Variants in PLEKHA7 observed in about 807,000 individuals in gnomAD.
PLEKHA7 encodes pleckstrin homology domain containing A7.
PLEKHA7 carries 104 observed loss-of-function variants against 170.0 expected under a neutral mutation model. That is an observed-to-expected ratio of 0.61 (90% CI 0.52 to 0.72). PLEKHA7 has a LOEUF of 0.72. Among genes scored for constraint, PLEKHA7 ranks in the 30% least tolerant of loss-of-function variants. The pLI, the probability that PLEKHA7 is intolerant of heterozygous loss-of-function variation, is 0.00. For missense variants in PLEKHA7, 1,615 were observed against 1,671.7 expected (o/e 0.97, Z 0.59); for synonymous variants, 648 against 660.8 (o/e 0.98, Z 0.30).
At chr11:16,969,941 A>G (rs1257503272) in intron 3 of PLEKHA7, among the ~76,000 whole-genome samples, 3 of 152,216 alleles carry the variant, frequency 2.0e-5, no homozygotes, top group African/African-American at 7.2e-5. Flanking sequence ...GATTACAGCT[A>G]AAGGGGAATA....
intron 17 of PLEKHA7, among the ~76,000 whole-genome samples, chr11:16,799,616 A>G (rs1848455490): frequency 6.6e-6 from 1 of 152,252 alleles, no homozygotes; most frequent in Non-Finnish European, 1.5e-5. Flanking sequence ...GTCCAAGAAA[A>G]TAGGTATAAC....
intron 3 of PLEKHA7, among the ~76,000 whole-genome samples, chr11:16,919,171 G>C (rs146230921): frequency 2.0e-5 from 3 of 152,124 alleles, no homozygotes; most frequent in Non-Finnish European, 2.9e-5. Context: ...CTGAGATCAC[G>C]CCATTGCACT....
chr11:16,915,714 A>G (rs1377459705), intron 3 of PLEKHA7, among the ~76,000 whole-genome samples: 1 of 151,840 alleles, frequency 6.6e-6, no homozygotes, highest in African/African-American at 2.4e-5. Flanking sequence ...ATGGCTGCAT[A>G]ATATTCCATG....
At chr11:16,968,907 C>G (rs976208601) in intron 3 of PLEKHA7, among the ~76,000 whole-genome samples, 1 of 152,212 alleles carries the variant, frequency 6.6e-6, no homozygotes, top group Non-Finnish European at 1.5e-5. Flanking sequence ...CCCCCATACC[C>G]ACCTATGCCA....
intron 3 of PLEKHA7, among the ~76,000 whole-genome samples, chr11:16,898,347 T>C (rs1366997331): frequency 6.6e-6 from 1 of 152,212 alleles, no homozygotes; most frequent in East Asian, 1.9e-4. Flanking sequence ...CTGGTATATT[T>C]TCATAAAGTA....
At chr11:16,832,349 G>A (rs1216266685) in intron 9 of PLEKHA7, among the ~76,000 whole-genome samples, 1 of 152,084 alleles carries the variant, frequency 6.6e-6, no homozygotes, top group African/African-American at 2.4e-5. Context: ...CTGGGGTTGG[G>A]CCCCAGCATT....
chr11:16,975,523 T>C (rs975954199), intron 3 of PLEKHA7, among the ~76,000 whole-genome samples: 6 of 152,154 alleles, frequency 3.9e-5, no homozygotes, highest in Non-Finnish European at 5.9e-5. Context: ...AGAGAACCCA[T>C]GGATATGGAG....
In PLEKHA7 at chr11:17,001,528, G is replaced by A. The variant is rs146812276; in HGVS notation, c.221+12461C>T. On this transcript the variant is annotated intron_variant, in intron 3 of 26. Coordinates refer to ENST00000531066, the MANE Select transcript of PLEKHA7 (RefSeq NM_001329630.2). ...AAGCTCATCTCCCGCCTCACCCAGC[G>A]GGAGAGAACACAGGAAGCTGTGCAG... Among the ~76,000 whole-genome samples the A allele has an allele frequency of 4.4e-4, 67 of 152,168 alleles. 1 individual carries two copies. The highest frequency in any genetic ancestry group is 1.5e-3 in the African/African-American group (64 of 41,522).
At chr11:16,816,407 G>C in intron 11 of PLEKHA7, 143 bp from the exon 12 acceptor site, 1 of 663,078 alleles carries the variant, frequency 1.5e-6, no homozygotes. Context: ...CTCAGGGTTA[G>C]AACACTAAAC....
intron 3 of PLEKHA7, among the ~76,000 whole-genome samples, chr11:16,978,685 A>G (rs1863219996): frequency 1.3e-5 from 2 of 152,354 alleles, no homozygotes; most frequent in South Asian, 2.1e-4. Flanking sequence ...GCAAGTTGCA[A>G]TGAACATCCC....
intron 3 of PLEKHA7, among the ~76,000 whole-genome samples, chr11:16,935,677 C>T (rs921145828): frequency 1.3e-5 from 2 of 152,210 alleles, no homozygotes; most frequent in African/African-American, 4.8e-5. Flanking sequence ...TTGCAAACAC[C>T]ACCCTAAGTG....
chr11:16,843,473 A>G (rs1256270507), intron 8 of PLEKHA7, among the ~76,000 whole-genome samples: 1 of 152,260 alleles, frequency 6.6e-6, no homozygotes, highest in Non-Finnish European at 1.5e-5. Flanking sequence ...ACATTTACAT[A>G]TCTGAGTCCA....
At chr11:16,965,377 T>A (rs1184826627) in intron 3 of PLEKHA7, among the ~76,000 whole-genome samples, 1 of 152,184 alleles carries the variant, frequency 6.6e-6, no homozygotes, top group Non-Finnish European at 1.5e-5. Context: ...TCCTTTGTTG[T>A]AGTTTTTTCC....
intron 3 of PLEKHA7, among the ~76,000 whole-genome samples, chr11:16,935,387 A>C (rs1197188508): frequency 6.6e-6 from 1 of 152,160 alleles, no homozygotes; most frequent in Non-Finnish European, 1.5e-5. Context: ...GTGCCATTGC[A>C]CTCCAGCCTG....
intron 3 of PLEKHA7, among the ~76,000 whole-genome samples, chr11:16,939,490 AT>A (rs1389275824): frequency 6.6e-6 from 1 of 152,232 alleles, no homozygotes. Context: ...ATGAAGATTA[AT>A]TAAAATAATA....
At chr11:16,844,933 T>C (rs1453721337) in intron 8 of PLEKHA7, among the ~76,000 whole-genome samples, 6 of 152,152 alleles carry the variant, frequency 3.9e-5, no homozygotes, top group African/African-American at 1.2e-4. Flanking sequence ...CCTACCAAAG[T>C]TGGAGGGACA....
At position 16,782,791 on chromosome 11, in the gene PLEKHA7, C is replaced by T. The variant is rs1171554620; in HGVS notation, c.3756G>A (p.Leu1252=). The T allele has an allele frequency of 6.5e-7, 1 of 1,536,066 alleles. No homozygotes were observed. The highest frequency in any genetic ancestry group is 1.4e-5 in the African/African-American group (1 of 73,064). Residue 1252 remains leucine, a synonymous_variant, in exon 26 of 27, where the codon CTG becomes CTA. Coordinates refer to ENST00000531066, the MANE Select transcript of PLEKHA7 (RefSeq NM_001329630.2). ...QERIINISYA[L]ASEASQRSKQ... ...TGCTACGCTGGGAGGCCTCGGAGGCCAGGGCGTAGGAGATGTTGATGATGC... is the reference window on the plus strand; with the variant it reads ...TGCTACGCTGGGAGGCCTCGGAGGCTAGGGCGTAGGAGATGTTGATGATGC...
chr11:16,862,894 A>G, intron 4 of PLEKHA7, among the ~76,000 whole-genome samples: 1 of 152,186 alleles, frequency 6.6e-6, no homozygotes, highest in East Asian at 1.9e-4. Context: ...GCAACCAAAT[A>G]CAACAGGCAA....
chr11:16,934,636 C>T (rs927640696), intron 3 of PLEKHA7, among the ~76,000 whole-genome samples: 1 of 152,122 alleles, frequency 6.6e-6, no homozygotes, highest in African/African-American at 2.4e-5. Flanking sequence ...ATTTATATTC[C>T]TATTGATCCT....
Sources: gnomAD v4.1 joint callset for allele counts (sites outside exome capture counted in the v4.1 genomes callset) on GRCh38, gnomAD v4.1.1 for gene constraint, MANE v1.5 for transcripts, NCBI Gene and HGNC (gene_info 2026-07-23, HGNC 2026-07-21) for gene names.